Variants in HYCC2 observed in about 807,000 individuals in gnomAD.
HYCC2 encodes hyccin PI4KA lipid kinase complex subunit 2, also known as hyccin 2.
At chr2:201,045,859 A>G in the HYCC2 span, among the ~76,000 whole-genome samples, 1 of 152,158 alleles carries the variant, frequency 6.6e-6, no homozygotes, top group South Asian at 2.1e-4. Context: ...GATTACTTAA[A>G]TTATCTGGAG....
chr2:201,060,059 G>A, the HYCC2 span, among the ~76,000 whole-genome samples: 22 of 145,478 alleles, frequency 1.5e-4, no homozygotes, highest in Admixed American at 6.8e-4. Context: ...AAAAGCGGGG[G>A]GGGGGGGGTT....
the HYCC2 span, chr2:200,993,028 G>T: frequency 1.4e-6 from 2 of 1,381,478 alleles, no homozygotes; most frequent in South Asian, 2.4e-5. Flanking sequence ...TATTTAACAT[G>T]TGATTTCCAG....
the HYCC2 span, among the ~76,000 whole-genome samples, chr2:201,062,497 A>T: frequency 6.6e-6 from 1 of 151,872 alleles, no homozygotes; most frequent in Non-Finnish European, 1.5e-5. Context: ...AAATACAAAA[A>T]ATTAGCCAGG....
chr2:200,997,383 G>T, the HYCC2 span: 2 of 1,205,342 alleles, frequency 1.7e-6, no homozygotes, highest in Non-Finnish European at 2.4e-6. Context: ...TTGGCTTAGA[G>T]AATGTGCTCA....
the HYCC2 span, among the ~76,000 whole-genome samples, chr2:201,028,012 A>G: frequency 2.6e-5 from 4 of 152,180 alleles, no homozygotes; most frequent in South Asian, 2.1e-4. Flanking sequence ...TAGGAAAAGA[A>G]GAAGTCAAAT....
chr2:201,019,470 T>C, the HYCC2 span, among the ~76,000 whole-genome samples: 1 of 152,162 alleles, frequency 6.6e-6, no homozygotes, highest in African/African-American at 2.4e-5. Flanking sequence ...AAAAACTCGC[T>C]GGTCAGGTGT....
chr2:201,048,117 TA>T, the HYCC2 span, among the ~76,000 whole-genome samples: 99 of 152,220 alleles, frequency 6.5e-4, no homozygotes, highest in African/African-American at 2.3e-3. Flanking sequence ...AAATGCCTTA[TA>T]AGGTTTAAAG....
At chr2:200,988,491 C>T in the HYCC2 span, 1 of 1,143,960 alleles carries the variant, frequency 8.7e-7, no homozygotes, top group Non-Finnish European at 1.2e-6. Flanking sequence ...TACATGTGTC[C>T]ATAATTTTCG....
chr2:201,071,630 G>C, the HYCC2 span: 1 of 153,974 alleles, frequency 6.5e-6, no homozygotes, highest in Non-Finnish European at 1.4e-5. Context: ...GCTGTCTCCG[G>C]CTTCCTACCG....
chr2:201,061,970 T>C, the HYCC2 span, among the ~76,000 whole-genome samples: 1 of 152,120 alleles, frequency 6.6e-6, no homozygotes, highest in East Asian at 1.9e-4. Context: ...CTGGGCATGG[T>C]GGTGCATGCC....
At chr2:200,984,883 T>C in the HYCC2 span, among the ~76,000 whole-genome samples, 4 of 152,096 alleles carry the variant, frequency 2.6e-5, no homozygotes, top group Admixed American at 6.5e-5. Flanking sequence ...GAGGCCAAGA[T>C]AGGAGGATTG....
At chr2:201,020,655 T>C in the HYCC2 span, among the ~76,000 whole-genome samples, 1 of 152,104 alleles carries the variant, frequency 6.6e-6, no homozygotes, top group Non-Finnish European at 1.5e-5. Flanking sequence ...CAGGCCTAAG[T>C]AGAACAGATG....
chr2:201,047,445 CATAT>C, the HYCC2 span, among the ~76,000 whole-genome samples: 39 of 139,582 alleles, frequency 2.8e-4, no homozygotes, highest in South Asian at 8.8e-4. Flanking sequence ...TCACAGTTCT[CATAT>C]ATATATATAT....
At chr2:201,068,194 G>A in the HYCC2 span, among the ~76,000 whole-genome samples, 1 of 152,082 alleles carries the variant, frequency 6.6e-6, no homozygotes, top group African/African-American at 2.4e-5. Context: ...GGCTGGGGCA[G>A]GAAAATGGCT....
the HYCC2 span, chr2:200,976,525 C>G: frequency 6.6e-6 from 1 of 152,120 alleles, no homozygotes; most frequent in Non-Finnish European, 1.5e-5. Context: ...ATGGACTCCA[C>G]TTCATTAAAA....
At chr2:200,987,612 G>A in the HYCC2 span, 2 of 1,090,904 alleles carry the variant, frequency 1.8e-6, no homozygotes, top group Admixed American at 2.6e-5. Context: ...GCAGATAAGA[G>A]AATGTATATA....
chr2:200,973,841 GAT>G, the HYCC2 span: 1 of 151,994 alleles, frequency 6.6e-6, no homozygotes, highest in Non-Finnish European at 1.5e-5. Flanking sequence ...TAACATCTAA[GAT>G]ATGTTTCTGC....
At chr2:200,982,242 A>C in the HYCC2 span, among the ~76,000 whole-genome samples, 1 of 151,154 alleles carries the variant, frequency 6.6e-6, no homozygotes, top group Non-Finnish European at 1.5e-5. Context: ...AAAAAAAAAA[A>C]AAAACTTTTC....
chr2:200,988,995 C>T, the HYCC2 span, among the ~76,000 whole-genome samples: 1 of 152,170 alleles, frequency 6.6e-6, no homozygotes, highest in South Asian at 2.1e-4. Flanking sequence ...ATTAAGCAGC[C>T]TGGATAGGTG....
Sources: allele counts gnomAD v4.1 joint callset (sites outside exome capture counted in the v4.1 genomes callset), GRCh38; gene constraint gnomAD v4.1.1; transcripts MANE v1.5; gene names NCBI Gene and HGNC (gene_info 2026-07-23, HGNC 2026-07-21).